The following ZNF438 variants were observed in gnomAD, a reference collection of about 807,000 sequenced individuals.
The protein encoded by ZNF438 is zinc finger protein 438.
Under a neutral mutation model 38.0 loss-of-function variants are expected in ZNF438, and 25 were observed. The ratio of observed to expected loss-of-function variants is 0.66; its 90% CI spans 0.48 to 0.92. The LOEUF (loss-of-function observed/expected upper bound fraction) is 0.92, where lower values mean the gene tolerates loss of function less well. Among genes scored for constraint, ZNF438 ranks in the 40% least tolerant of loss-of-function variants. ZNF438 has a pLI of 0.00. For synonymous variants in ZNF438, 372 were observed against 364.1 expected, an observed-to-expected ratio of 1.02 and a Z score of -0.25; for missense variants, 1,007 against 999.6, an observed-to-expected ratio of 1.01 and a Z score of -0.10.
chr10:30,863,725 A>G (rs1181920257), intron 4 of ZNF438, among the ~76,000 whole-genome samples: 1 of 151,984 alleles, frequency 6.6e-6, no homozygotes, highest in Admixed American at 6.6e-5. Flanking sequence ...CCTTAGGTAG[A>G]TCCTCCCATT....
intron 1 of ZNF438, among the ~76,000 whole-genome samples, chr10:30,994,039 C>A (rs548632671): frequency 1.3e-5 from 2 of 152,348 alleles, no homozygotes; most frequent in African/African-American, 4.8e-5. Flanking sequence ...CCTGCTCCAC[C>A]ACTATATTTT....
chr10:31,023,149 GTAATA>G (rs1223046960), intron 1 of ZNF438, among the ~76,000 whole-genome samples: 1 of 152,116 alleles, frequency 6.6e-6, no homozygotes, highest in Non-Finnish European at 1.5e-5. Context: ...TAAAATATAT[GTAATA>G]TAATCACTAA....
chr10:31,002,015 G>C (rs1468929192), intron 1 of ZNF438, among the ~76,000 whole-genome samples: 3 of 152,228 alleles, frequency 2.0e-5, no homozygotes, highest in African/African-American at 7.2e-5. Flanking sequence ...ACAGAAAGAA[G>C]AGGGGAAGGA....
At chr10:31,025,809 A>C (rs891199760) in intron 1 of ZNF438, among the ~76,000 whole-genome samples, 1 of 152,190 alleles carries the variant, frequency 6.6e-6, no homozygotes, top group African/African-American at 2.4e-5. Context: ...ACCAAATGTG[A>C]AATGAAGCAA....
chr10:30,986,997 T>C (rs2052881349), intron 1 of ZNF438, among the ~76,000 whole-genome samples: 1 of 152,160 alleles, frequency 6.6e-6, no homozygotes, highest in Non-Finnish European at 1.5e-5. Context: ...AGAAATAAAC[T>C]TGGACTTGGC....
chr10:31,031,193 C>T (rs977237192), intron 1 of ZNF438, among the ~76,000 whole-genome samples: 2 of 152,206 alleles, frequency 1.3e-5, no homozygotes, highest in African/African-American at 4.8e-5. Context: ...CCAGTGGCTA[C>T]CACATTCCTC....
intron 2 of ZNF438, among the ~76,000 whole-genome samples, chr10:30,922,765 G>T (rs1331817726): frequency 2.0e-5 from 3 of 151,876 alleles, no homozygotes; most frequent in Non-Finnish European, 4.4e-5. Context: ...AACCAGAGAG[G>T]TGGAAGTTGC....
intron 1 of ZNF438, among the ~76,000 whole-genome samples, chr10:30,946,677 T>C (rs1281699776): frequency 6.6e-6 from 1 of 152,254 alleles, no homozygotes; most frequent in Non-Finnish European, 1.5e-5. Flanking sequence ...TCCAGCCTGA[T>C]GATTGCTGTC....
intron 1 of ZNF438, among the ~76,000 whole-genome samples, chr10:30,983,539 T>G (rs1041213327): frequency 6.6e-6 from 1 of 152,100 alleles, no homozygotes. Context: ...TCACCTCCCA[T>G]CAGGCCCCTC....
intron 1 of ZNF438, among the ~76,000 whole-genome samples, chr10:31,018,088 A>G (rs2056333647): frequency 6.6e-6 from 1 of 152,350 alleles, no homozygotes; most frequent in Non-Finnish European, 1.5e-5. Flanking sequence ...CCTTAATTTG[A>G]ACCTTGCCTG....
intron 1 of ZNF438, among the ~76,000 whole-genome samples, chr10:30,956,373 T>C (rs1410892851): frequency 1.3e-5 from 2 of 152,236 alleles, no homozygotes; most frequent in African/African-American, 2.4e-5. Context: ...AATAATTGTA[T>C]ATATTTATGG....
chr10:30,845,177 G>A, exon 6 of ZNF438: 5 of 1,614,200 alleles, frequency 3.1e-6, no homozygotes, highest in African/African-American at 2.7e-5. Flanking sequence ...CAGGGCCCTG[G>A]CAGGTTTCCC....
intron 3 of ZNF438, among the ~76,000 whole-genome samples, chr10:30,896,348 T>C (rs893239721): frequency 1.3e-5 from 2 of 149,474 alleles, no homozygotes; most frequent in Non-Finnish European, 3.0e-5. Flanking sequence ...CAAAGAGATA[T>C]ATGCACATCC....
chr10:30,917,819 A>T (rs1342906805), intron 2 of ZNF438, among the ~76,000 whole-genome samples: 1 of 152,076 alleles, frequency 6.6e-6, no homozygotes, highest in South Asian at 2.1e-4. Context: ...AATGAAGTCT[A>T]TTCTTTAAAG....
intron 4 of ZNF438, among the ~76,000 whole-genome samples, chr10:30,859,969 A>G (rs2035306245): frequency 6.6e-6 from 1 of 152,172 alleles, no homozygotes; most frequent in South Asian, 2.1e-4. Flanking sequence ...CTCAGAAGCA[A>G]AAATCTCTCT....
chr10:30,941,938 T>A, intron 1 of ZNF438, among the ~76,000 whole-genome samples: 1 of 152,264 alleles, frequency 6.6e-6, no homozygotes. Flanking sequence ...TTAAACTGAA[T>A]TATTTAAAAT....
chr10:30,912,027 C>G (rs552045814), intron 2 of ZNF438, among the ~76,000 whole-genome samples: 3 of 152,136 alleles, frequency 2.0e-5, no homozygotes, highest in Admixed American at 1.3e-4. Context: ...TTACGCAGAT[C>G]TTTTTGCACT....
chr10:30,850,149 C>T (rs751511441), exon 5 of ZNF438: 2 of 1,614,130 alleles, frequency 1.2e-6, no homozygotes, highest in Non-Finnish European at 8.5e-7. Context: ...TCCTGGCCAG[C>T]AACCTGCATC....
At chr10:30,961,675 T>C (rs1335390398) in intron 1 of ZNF438, among the ~76,000 whole-genome samples, 3 of 145,916 alleles carry the variant, frequency 2.1e-5, no homozygotes, top group African/African-American at 7.3e-5. Flanking sequence ...TCACTTGAGA[T>C]CAGGAGTTCG....
Sources: allele counts gnomAD v4.1 joint callset (sites outside exome capture counted in the v4.1 genomes callset), GRCh38; gene constraint gnomAD v4.1.1; transcripts MANE v1.5; gene names NCBI Gene and HGNC (gene_info 2026-07-23, HGNC 2026-07-21).